VLDLR: variants seen among roughly 807,000 people sequenced by gnomAD.
VLDLR encodes the protein very low-density lipoprotein receptor.
A neutral mutation model predicts 112.7 loss-of-function variants in VLDLR; 81 were observed. The observed-to-expected ratio is 0.72, with a 90% confidence interval of 0.60 to 0.86. VLDLR has a LOEUF of 0.86. Ranked by LOEUF, VLDLR falls within the 40% of genes least tolerant of loss-of-function variation. VLDLR has a pLI of 0.00. For synonymous variants in VLDLR, 436 were observed against 384.8 expected (o/e 1.13, Z -1.56); for missense variants, 1,237 against 1,099.4 (o/e 1.13, Z -1.77).
rs368696966 is a variant in VLDLR at position 2,650,494 on chromosome 9, G to C, written c.2229G>C (p.Glu743Asp). The C allele has an allele frequency of 3.1e-6, 5 of 1,613,898 alleles. No homozygotes were observed. The East Asian group carries it at 1.1e-4, about 36-fold the overall frequency. Residue 743 changes from glutamate (E) to aspartate (D), a missense_variant, in exon 15 of 19, where the codon GAG (glutamate) becomes GAC (aspartate). Coordinates refer to ENST00000382100, the MANE Select transcript of VLDLR (RefSeq NM_003383.5). ...CCTGTCCCAGTGGGTACAATGTAGA[G>C]GAAAATGGCCGAGACTGTCAAAGTA... ...TCSCPSGYNV[E>D]ENGRDCQSTA...
At chr9:2,626,968 G>A (rs1333998641) in intron 1 of VLDLR, among the ~76,000 whole-genome samples, 1 of 152,218 alleles carries the variant, frequency 6.6e-6, no homozygotes, top group Non-Finnish European at 1.5e-5. Context: ...GCAGATTGAT[G>A]TTGGTCATCT....
chr9:2,622,094 C>G lies in VLDLR; in HGVS notation c.-96C>G. The G allele has an allele frequency of 7.9e-7, 1 of 1,270,612 alleles. No individual in the cohort carries two copies. Among genetic ancestry groups the G allele is most frequent in the Non-Finnish European group, 1.1e-6 (1 of 948,914 alleles). 78.7% of individuals were successfully genotyped at this position (1,270,612 alleles called of 1,614,324 possible). A position where few individuals can be genotyped will look rare whatever the true frequency, so the allele number is the denominator to read the frequency against. On this transcript the variant is annotated 5_prime_UTR_variant, in exon 1 of 19. Coordinates refer to ENST00000382100, the MANE Select transcript of VLDLR (RefSeq NM_003383.5). ...CCTTCTCCCCCTTTCCCCTCCCCGC[C>G]CCCACCTTCTTCCTCCTTTCGGAAG...
At chr9:2,629,478 T>C (rs1274929592) in intron 1 of VLDLR, among the ~76,000 whole-genome samples, 2 of 152,246 alleles carry the variant, frequency 1.3e-5, no homozygotes, top group Non-Finnish European at 2.9e-5. Context: ...CTCCTAGCTC[T>C]GCCCAGGGCA....
At chr9:2,649,566 A>G (rs1477765452) in intron 14 of VLDLR, among the ~76,000 whole-genome samples, 1 of 152,080 alleles carries the variant, frequency 6.6e-6, no homozygotes, top group Non-Finnish European at 1.5e-5. Context: ...TAAACTTTGT[A>G]TCTTTAGTAG....
intron 2 of VLDLR, among the ~76,000 whole-genome samples, chr9:2,639,244 C>G (rs575219761): frequency 3.3e-5 from 5 of 152,210 alleles, no homozygotes; most frequent in African/African-American, 1.2e-4. Flanking sequence ...AGATGACCAT[C>G]TTCTCACTGT....
intron 10 of VLDLR, among the ~76,000 whole-genome samples, chr9:2,645,983 T>A (rs568555343): frequency 2.8e-4 from 42 of 152,294 alleles, no homozygotes; most frequent in African/African-American, 9.4e-4. Context: ...TTTTCTCCCT[T>A]TTCTCTACAG....
At chr9:2,645,939 G>A (rs985627113) in intron 10 of VLDLR, among the ~76,000 whole-genome samples, 194 bp downstream of exon 10, 3 of 152,140 alleles carry the variant, frequency 2.0e-5, no homozygotes, top group Non-Finnish European at 4.4e-5. Flanking sequence ...AATTGTCTAT[G>A]AAGTAAAAGA....
chr9:2,644,654 T>C (rs375457018), intron 7 of VLDLR, 80 bp from the exon 8 acceptor site: 2 of 1,600,524 alleles, frequency 1.2e-6, no homozygotes, highest in South Asian at 1.1e-5. Context: ...AGATAAGTTA[T>C]CACAAATAGC....
intron 7 of VLDLR, 33 bp from the exon 8 acceptor site, chr9:2,644,701 A>T (rs1387701997): frequency 1.9e-6 from 3 of 1,613,906 alleles, no homozygotes; most frequent in Non-Finnish European, 2.5e-6. Context: ...ATTGAAAATA[A>T]GTTGTCAAGT....
chr9:2,633,159 C>T (rs555411035), intron 1 of VLDLR, among the ~76,000 whole-genome samples: 2 of 151,430 alleles, frequency 1.3e-5, no homozygotes, highest in Non-Finnish European at 2.9e-5. Context: ...GGAAATATCT[C>T]GGATAAGAAA....
At chr9:2,647,452 T>A in intron 11 of VLDLR, 22 bp from the exon 12 acceptor site, 1 of 1,601,822 alleles carries the variant, frequency 6.2e-7, no homozygotes, top group East Asian at 2.2e-5. Context: ...CTGAGGCTTA[T>A]TTCTCATTTA....
intron 1 of VLDLR, among the ~76,000 whole-genome samples, chr9:2,630,895 C>T (rs1211737726): frequency 6.6e-6 from 1 of 152,098 alleles, no homozygotes; most frequent in East Asian, 1.9e-4. Flanking sequence ...GAACAACCTG[C>T]CGAATGGGAG....
chr9:2,634,367 G>T (rs1009605488), intron 1 of VLDLR, among the ~76,000 whole-genome samples: 4 of 152,176 alleles, frequency 2.6e-5, no homozygotes, highest in Non-Finnish European at 5.9e-5. Context: ...CTTCTGCTGG[G>T]ACACCCTCCC....
intron 1 of VLDLR, among the ~76,000 whole-genome samples, chr9:2,628,494 G>T (rs1045383565): frequency 1.1e-4 from 16 of 152,210 alleles, no homozygotes; most frequent in African/African-American, 3.9e-4. Flanking sequence ...GAGGAAATTA[G>T]TAGGGAACTT....
chr9:2,632,530 G>C (rs138443489), intron 1 of VLDLR, among the ~76,000 whole-genome samples: 207 of 152,258 alleles, frequency 1.4e-3, no homozygotes, highest in Admixed American at 3.7e-3. Context: ...AATTTGAGAC[G>C]TAACTTTCAT....
At chr9:2,634,528 T>G (rs1377860226) in intron 1 of VLDLR, among the ~76,000 whole-genome samples, 1 of 152,218 alleles carries the variant, frequency 6.6e-6, no homozygotes, top group Non-Finnish European at 1.5e-5. Flanking sequence ...ACCTGAACAT[T>G]AGCTGGCCTG....
In VLDLR at chr9:2,641,369, A is replaced by T; in HGVS notation, c.326-8A>T. On this transcript the variant is annotated splice_polypyrimidine_tract_variant and splice_region_variant and intron_variant, in intron 3 of 18. Transcript: ENST00000382100. ...TGAGGCTCTTTTGAGACTGTATATC[A>T]TCAACAGATATGAGAACATGCCGCA... 6.2e-7 allele frequency: 1 copy of T among 1,614,118 alleles called. No individual in the cohort carries two copies. Among genetic ancestry groups the T allele is most frequent in the Non-Finnish European group, 8.5e-7 (1 of 1,179,950 alleles).
At position 2,656,929 on chromosome 9, in the gene VLDLR, G is replaced by A. The variant is rs796733187; in HGVS notation, c.*3061G>A. On this transcript the variant is annotated 3_prime_UTR_variant, in exon 19 of 19. Transcript: ENST00000382100. ...AGGTATCGCTGCCTCTTTAGTTCTT[G>A]ATGAATACAAGGCAAAAAAAAAAAA... 14 of 99,698 alleles carry A rather than the reference G, an allele frequency of 1.4e-4. No homozygotes were observed. Among genetic ancestry groups the A allele is most frequent in the African/African-American group, 5.5e-4 (14 of 25,362 alleles). The allele number at this position is 99,698 out of a possible 1,614,324, so 6.2% of individuals were successfully genotyped here.
At chr9:2,646,204 G>T in intron 10 of VLDLR, 130 bp from the exon 11 acceptor site, 1 of 802,188 alleles carries the variant, frequency 1.2e-6, no homozygotes, top group South Asian at 1.5e-5. Context: ...AATAATTTGA[G>T]TGGTGAGCTG....
Sources: allele counts gnomAD v4.1 joint callset (sites outside exome capture counted in the v4.1 genomes callset), GRCh38; gene constraint gnomAD v4.1.1; transcripts MANE v1.5; gene names NCBI Gene and HGNC (gene_info 2026-07-23, HGNC 2026-07-21).